Variants in SLC4A10 observed in about 807,000 individuals in gnomAD.
The protein encoded by SLC4A10 is sodium-driven chloride bicarbonate exchanger.
A neutral mutation model predicts 137.7 loss-of-function variants in SLC4A10; 42 were observed. The ratio of observed to expected loss-of-function variants is 0.30; its 90% CI spans 0.24 to 0.39. SLC4A10 has a LOEUF of 0.39. Among genes scored for constraint, SLC4A10 ranks in the 10% least tolerant of loss-of-function variants. The probability of loss-of-function intolerance (pLI) is 1.00; values close to 1 mark genes in which losing one functional copy is unlikely to be tolerated. For synonymous variants in SLC4A10, 474 were observed against 464.1 expected (o/e 1.02, Z -0.27); for missense variants, 925 against 1,355.0 (o/e 0.68, Z 4.98).
intron 3 of SLC4A10, among the ~76,000 whole-genome samples, chr2:161,829,816 G>A (rs550566987): frequency 1.3e-5 from 2 of 152,236 alleles, no homozygotes; most frequent in African/African-American, 4.8e-5. Context: ...CACAATCATG[G>A]CGGGAAGCAA....
rs1054135404 is a variant in SLC4A10, at chr2:161,978,931, A to G, written c.*26+1171A>G. 2.0e-5 allele frequency among the ~76,000 whole-genome samples: 3 copies of G among 152,350 alleles called. No homozygotes were observed. In the East Asian group the frequency reaches 5.8e-4, roughly 29 times the overall value. On this transcript the variant is annotated intron_variant, in intron 26 of 26. Coordinates refer to ENST00000446997, the MANE Select transcript of SLC4A10 (RefSeq NM_001178015.2). ...TCTCAAAGATCCTTGCTACAGTCTGATAAATATTTCTCATAGTAATTCTCT... is the reference window on the plus strand; with the variant it reads ...TCTCAAAGATCCTTGCTACAGTCTGGTAAATATTTCTCATAGTAATTCTCT...
chr2:161,719,579 T>TG (rs1426445284), intron 1 of SLC4A10, among the ~76,000 whole-genome samples: 1 of 152,150 alleles, frequency 6.6e-6, no homozygotes, highest in Non-Finnish European at 1.5e-5. Context: ...TCCTGACTTT[T>TG]TAATGATTGC....
chr2:161,860,911 A>C (rs899327924), intron 5 of SLC4A10, among the ~76,000 whole-genome samples: 1 of 152,226 alleles, frequency 6.6e-6, no homozygotes, highest in Non-Finnish European at 1.5e-5. Flanking sequence ...TAAATGGTTG[A>C]AAAATAATAA....
At chr2:161,865,304 A>T (rs528284807) in intron 6 of SLC4A10, among the ~76,000 whole-genome samples, 2 of 152,224 alleles carry the variant, frequency 1.3e-5, no homozygotes, top group Non-Finnish European at 2.9e-5. Context: ...ACTGTGAATC[A>T]CAAATCTACA....
chr2:161,858,397 C>A (rs1300522982), intron 5 of SLC4A10, among the ~76,000 whole-genome samples: 1 of 152,124 alleles, frequency 6.6e-6, no homozygotes, highest in African/African-American at 2.4e-5. Flanking sequence ...TTGTATCTGG[C>A]AGATCTGTCA....
intron 11 of SLC4A10, among the ~76,000 whole-genome samples, chr2:161,899,963 C>T (rs1364515228): frequency 6.6e-6 from 1 of 152,074 alleles, no homozygotes; most frequent in Non-Finnish European, 1.5e-5. Flanking sequence ...ATCTAAATGT[C>T]TCATGGTAAG....
Position 161,839,891 on chromosome 2 carries a change from G to T in SLC4A10, c.380G>T (p.Arg127Leu), listed in dbSNP as rs201440727. 4.3e-6 allele frequency: 7 copies of T among 1,613,912 alleles called. No individual in the cohort carries two copies. The highest frequency in any genetic ancestry group is 5.9e-6 in the Non-Finnish European group (7 of 1,179,820). The change falls in exon 4 of 27, where the codon CGT becomes CTT. Residue 127 changes from arginine to leucine, a missense_variant. Physicochemically the swap from Arg to Leu is moderately radical, Grantham distance 102 (BLOSUM62 -2). This residue lies in a region of SLC4A10 where 138 missense variants were observed against 171.3 expected (regional missense o/e 0.81). Coordinates refer to ENST00000446997, the MANE Select transcript of SLC4A10 (RefSeq NM_001178015.2). ...ACAGAACTGGATGAGATTTGTTGGCGTGAAGGTGAGGACGCTGAGTGGCGA... is the reference window on the plus strand; with the variant it reads ...ACAGAACTGGATGAGATTTGTTGGCTTGAAGGTGAGGACGCTGAGTGGCGA... The part of the protein sequence containing the change: ...LFTELDEICW[R>L]EGEDAEWRET...
chr2:161,845,810 A>G (rs1051953563), intron 4 of SLC4A10, among the ~76,000 whole-genome samples: 8 of 152,124 alleles, frequency 5.3e-5, no homozygotes, highest in African/African-American at 1.7e-4. Flanking sequence ...AAACCTCACC[A>G]TGTACATAAA....
chr2:161,828,314 G>A (rs1215790804), intron 3 of SLC4A10, among the ~76,000 whole-genome samples: 2 of 151,974 alleles, frequency 1.3e-5, no homozygotes, highest in African/African-American at 2.4e-5. Flanking sequence ...CTGCAGATCT[G>A]CTTTTTGGAA....
chr2:161,775,803 G>C (rs72877362), intron 2 of SLC4A10, among the ~76,000 whole-genome samples: 2 of 151,396 alleles, frequency 1.3e-5, no homozygotes, highest in Non-Finnish European at 2.9e-5. Flanking sequence ...TTTTTTTCAC[G>C]TATGAACATT....
chr2:161,865,178 G>T (rs956804525), intron 6 of SLC4A10, among the ~76,000 whole-genome samples: 2 of 151,476 alleles, frequency 1.3e-5, no homozygotes, highest in African/African-American at 4.8e-5. Context: ...TTTTTTTCAG[G>T]CAAGAGACTA....
rs140535026 is a variant in SLC4A10, at chr2:161,827,720, C to A, written c.278-12069C>A. 1.3e-3 allele frequency among the ~76,000 whole-genome samples: 204 copies of A among 152,066 alleles called. 1 individual carries two copies. The highest frequency in any genetic ancestry group is 4.7e-3 in the African/African-American group (196 of 41,530). On this transcript the variant is annotated intron_variant, in intron 3 of 26. Transcript: ENST00000446997. ...AGCTGGGACTACAGGCACGCCCGCA[C>A]CAGGCCGGCTAATTTTTTGTATTTT...
intron 1 of SLC4A10, among the ~76,000 whole-genome samples, chr2:161,713,989 T>C (rs927094395): frequency 6.8e-6 from 1 of 147,984 alleles, no homozygotes. Flanking sequence ...TGGAACTTAT[T>C]ACTCTCAGTA....
At chr2:161,711,006 T>A (rs1335623069) in intron 1 of SLC4A10, among the ~76,000 whole-genome samples, 4 of 151,860 alleles carry the variant, frequency 2.6e-5, no homozygotes, top group Admixed American at 2.0e-4. Flanking sequence ...AGGAGTTACA[T>A]GTAACCTTTT....
Position 161,901,011 on chromosome 2 carries a change from G to A in SLC4A10, c.1442G>A (p.Arg481Lys). 1 of 1,557,740 alleles carries A rather than the reference G, an allele frequency of 6.4e-7. No homozygotes were observed. The highest frequency in any genetic ancestry group is 8.7e-7 in the Non-Finnish European group (1 of 1,149,470). ...GGACCTGAACTCCAGCGAACTGGAA[G>A]GTTAGTGAAAATCACTTCTATGGGA... ...HSGPELQRTG[R>K]IFGGLILDIK... Residue 481 changes from arginine to lysine, a missense_variant and splice_region_variant, in exon 12 of 27, where the codon AGG (arginine) becomes AAG (lysine). Physicochemically the swap from Arg to Lys is conservative, Grantham distance 26. Around this residue, in one of 11 missense-constraint regions of SLC4A10, gnomAD observed 61 missense variants for 59.0 expected, o/e 1.03. Coordinates refer to ENST00000446997, the MANE Select transcript of SLC4A10 (RefSeq NM_001178015.2).
intron 2 of SLC4A10, among the ~76,000 whole-genome samples, chr2:161,775,919 TA>T (rs1478863653): frequency 6.6e-6 from 1 of 151,878 alleles, no homozygotes; most frequent in African/African-American, 2.4e-5. Flanking sequence ...ATTTAATAGC[TA>T]AAGGTGATGT....
At chr2:161,943,386 T>C (rs1366866760) in intron 16 of SLC4A10, among the ~76,000 whole-genome samples, 1 of 151,978 alleles carries the variant, frequency 6.6e-6, no homozygotes, top group Non-Finnish European at 1.5e-5. Flanking sequence ...CTCAACAAGA[T>C]CTTTCTTTTT....
intron 2 of SLC4A10, among the ~76,000 whole-genome samples, chr2:161,778,319 T>G (rs913205294): frequency 6.6e-6 from 1 of 151,966 alleles, no homozygotes; most frequent in Non-Finnish European, 1.5e-5. Context: ...TAATTATCTT[T>G]CTCCTCTTAA....
At chr2:161,664,528 G>A (rs2038820669) in intron 1 of SLC4A10, among the ~76,000 whole-genome samples, 1 of 151,784 alleles carries the variant, frequency 6.6e-6, no homozygotes, top group Admixed American at 6.6e-5. Context: ...CATATTTTCA[G>A]CCTATGGCAT....
Sources: allele counts gnomAD v4.1 joint callset (sites outside exome capture counted in the v4.1 genomes callset), GRCh38; gene constraint gnomAD v4.1.1; regional missense constraint gnomAD v4.1.1; transcripts MANE v1.5; gene names NCBI Gene and HGNC (gene_info 2026-07-23, HGNC 2026-07-21).